The following SMOC2 variants were observed in gnomAD, a reference collection of about 807,000 sequenced individuals.
The protein encoded by SMOC2 is SPARC-related modular calcium-binding protein 2.
In SMOC2, 39 loss-of-function variants were observed where a neutral mutation model predicts 61.4. That is an observed-to-expected ratio of 0.64 (90% confidence interval 0.49 to 0.83). SMOC2 has a LOEUF of 0.83. Among genes scored for constraint, SMOC2 ranks in the 40% least tolerant of loss-of-function variants. SMOC2 has a pLI of 0.00. For synonymous variants in SMOC2, 247 were observed against 239.9 expected, an observed-to-expected ratio of 1.03 and a Z score of -0.27; for missense variants, 556 against 592.9, an observed-to-expected ratio of 0.94 and a Z score of 0.65.
At chr6:168,513,484 T>TAC (rs910887205) in intron 2 of SMOC2, among the ~76,000 whole-genome samples, 18 of 27,336 alleles carry the variant, frequency 6.6e-4, no homozygotes, top group African/African-American at 1.6e-3. Flanking sequence ...CACACATACA[T>TAC]ACACACACAC....
chr6:168,625,724 C>T (rs1286172347), intron 9 of SMOC2, among the ~76,000 whole-genome samples: 1 of 152,162 alleles, frequency 6.6e-6, no homozygotes, highest in East Asian at 1.9e-4. Context: ...AGCCCTGGGC[C>T]CCAGGAGCAA....
chr6:168,509,791 G>A (rs1246438264), intron 1 of SMOC2, 124 bp from the exon 2 acceptor site: 12 of 831,744 alleles, frequency 1.4e-5, no homozygotes, highest in Admixed American at 8.8e-5. Context: ...GGTGAGAACC[G>A]GGTGGTGTTA....
At chr6:168,533,280 G>A (rs774728582) in intron 4 of SMOC2, among the ~76,000 whole-genome samples, 2 of 152,080 alleles carry the variant, frequency 1.3e-5, no homozygotes, top group Non-Finnish European at 2.9e-5. Flanking sequence ...GATGATCTTG[G>A]AGTCGCATGA....
At chr6:168,581,896 C>A (rs571978918) in intron 7 of SMOC2, among the ~76,000 whole-genome samples, 1 of 152,352 alleles carries the variant, frequency 6.6e-6, no homozygotes, top group East Asian at 1.9e-4. Flanking sequence ...GCGTCTCCTT[C>A]AGCCTCAGCT....
In SMOC2 at chr6:168,540,598, C is replaced by T. The variant is rs150893265; in HGVS notation, c.464-3027C>T. Among the ~76,000 whole-genome samples, 779 of 147,910 alleles carry T rather than the reference C, an allele frequency of 5.3e-3. 4 individuals are homozygous for T. The highest frequency in any genetic ancestry group is 0.028 in the South Asian group (134 of 4,820). ...GGACGTTTGTTCTGCTGCCCATGCC[C>T]TGTCTTCTCCCTGCAGCGCCACATC... On this transcript the variant is annotated intron_variant, in intron 4 of 12. Coordinates refer to ENST00000356284, the MANE Select transcript of SMOC2 (RefSeq NM_001166412.2).
chr6:168,575,387 A>C (rs1336691925), intron 7 of SMOC2, among the ~76,000 whole-genome samples: 1 of 152,124 alleles, frequency 6.6e-6, no homozygotes, highest in Non-Finnish European at 1.5e-5. Flanking sequence ...TAGCATATCT[A>C]GTAAAATATT....
intron 4 of SMOC2, among the ~76,000 whole-genome samples, chr6:168,541,069 C>T (rs759925560): frequency 1.3e-5 from 2 of 152,212 alleles, no homozygotes; most frequent in Non-Finnish European, 2.9e-5. Flanking sequence ...CTCAGAGCTA[C>T]AAGACTTAAC....
chr6:168,557,165 G>T (rs761525315), intron 7 of SMOC2, among the ~76,000 whole-genome samples: 2 of 151,802 alleles, frequency 1.3e-5, no homozygotes, highest in Non-Finnish European at 2.9e-5. Flanking sequence ...TAAGTTTTTC[G>T]TGTTTATTCT....
At chr6:168,557,942 A>G (rs1348973882) in intron 7 of SMOC2, among the ~76,000 whole-genome samples, 7 of 152,104 alleles carry the variant, frequency 4.6e-5, no homozygotes, top group African/African-American at 1.4e-4. Flanking sequence ...GTGATTTCCA[A>G]CCTCCTCCTG....
At chr6:168,521,964 A>G (rs1324149269) in intron 2 of SMOC2, among the ~76,000 whole-genome samples, 2 of 152,214 alleles carry the variant, frequency 1.3e-5, no homozygotes, top group Non-Finnish European at 2.9e-5. Flanking sequence ...AAGAGCAAAC[A>G]TTTTCTAAAA....
intron 1 of SMOC2, among the ~76,000 whole-genome samples, chr6:168,444,885 T>C (rs1364559936): frequency 6.6e-6 from 1 of 152,166 alleles, no homozygotes; most frequent in African/African-American, 2.4e-5. Context: ...AAGAACAATA[T>C]TGCCTGGGAC....
chr6:168,576,684 G>A (rs551434574), intron 7 of SMOC2, among the ~76,000 whole-genome samples: 45 of 152,124 alleles, frequency 3.0e-4, no homozygotes, highest in African/African-American at 1.1e-3. Flanking sequence ...CAGGTGATCC[G>A]AGTCCTTGGG....
chr6:168,527,976 A>G (rs1243522939), intron 4 of SMOC2, among the ~76,000 whole-genome samples: 1 of 152,266 alleles, frequency 6.6e-6, no homozygotes, highest in Admixed American at 6.5e-5. Flanking sequence ...CTAAAGGAAG[A>G]TAGCCCTGCA....
chr6:168,473,589 C>T (rs942440930), intron 1 of SMOC2, among the ~76,000 whole-genome samples: 4 of 152,126 alleles, frequency 2.6e-5, no homozygotes, highest in African/African-American at 4.8e-5. Context: ...CTTTTGGAAG[C>T]GCATTGAACT....
chr6:168,621,032 C>A (rs1786230738), intron 9 of SMOC2, among the ~76,000 whole-genome samples: 2 of 150,014 alleles, frequency 1.3e-5, no homozygotes, highest in Middle Eastern at 6.8e-3. Flanking sequence ...TATGGAAACC[C>A]CTAGGATGTT....
chr6:168,581,417 C>A (rs143513455), intron 7 of SMOC2, among the ~76,000 whole-genome samples: 1 of 152,228 alleles, frequency 6.6e-6, no homozygotes, highest in Admixed American at 6.5e-5. Context: ...GAAGGAGCTT[C>A]GCCCAGACCT....
intron 9 of SMOC2, among the ~76,000 whole-genome samples, chr6:168,647,813 C>T (rs1787080156): frequency 1.3e-5 from 2 of 152,158 alleles, no homozygotes; most frequent in African/African-American, 2.4e-5. Flanking sequence ...TTTTGAAGTA[C>T]AGTCGTCCGT....
At chr6:168,497,371 C>G (rs1008614380) in intron 1 of SMOC2, among the ~76,000 whole-genome samples, 9 of 152,280 alleles carry the variant, frequency 5.9e-5, no homozygotes, top group Non-Finnish European at 2.9e-5. Flanking sequence ...CACCTGCCCC[C>G]AGGCGTGGGC....
chr6:168,528,817 T>G (rs1484006631), intron 4 of SMOC2, among the ~76,000 whole-genome samples: 1 of 152,246 alleles, frequency 6.6e-6, no homozygotes, highest in East Asian at 1.9e-4. Context: ...AGCTAACATG[T>G]ATACCTAATA....
Sources: gnomAD v4.1 joint callset for allele counts (sites outside exome capture counted in the v4.1 genomes callset) on GRCh38, gnomAD v4.1.1 for gene constraint, MANE v1.5 for transcripts, NCBI Gene and HGNC (gene_info 2026-07-23, HGNC 2026-07-21) for gene names.